ATP8B3: variants seen among roughly 807,000 people sequenced by gnomAD.
ATP8B3 encodes the protein phospholipid-transporting ATPase IK.
In ATP8B3, 141 loss-of-function variants were observed where a neutral mutation model predicts 140.9. The ratio of observed to expected loss-of-function variants is 1.00; its 90% CI spans 0.87 to 1.15. ATP8B3 has a LOEUF of 1.15. ATP8B3 is among the 50% of genes most tolerant of loss of function. The pLI is 0.00. For synonymous variants in ATP8B3, 765 were observed against 714.6 expected (o/e 1.07, Z -1.13); for missense variants, 1,874 against 1,740.6 (o/e 1.08, Z -1.36).
Position 1,788,911 on chromosome 19 carries a change from C to T in ATP8B3, c.3055G>A (p.Gly1019Ser). The T allele has an allele frequency of 6.3e-7, 1 of 1,596,564 alleles. No homozygotes were observed. The change falls in exon 24 of 29, where the codon GGC becomes AGC. Residue 1019 changes from glycine to serine, a missense_variant. By Grantham distance (56) the Gly-to-Ser change is moderately conservative. Coordinates refer to ENST00000310127, the MANE Select transcript of ATP8B3 (RefSeq NM_138813.4). The part of the protein sequence containing the change: ...MVQVWFACYN[G>S]FTGQPLYEGW... ...GGGGGACGCACCTGGCCGGTGAAGC[C>T]GTTGTAGCAGGCAAACCAGACCTGC...
At chr19:1,799,078 G>A (rs2068764102) in intron 14 of ATP8B3, 1 of 151,964 alleles carries the variant, frequency 6.6e-6, no homozygotes, top group Non-Finnish European at 1.5e-5. Context: ...AGGAATTCGA[G>A]GCTGCAATAA....
chr19:1,784,914 T>G lies in ATP8B3; in HGVS notation c.3565A>C (p.Ile1189Leu). Residue 1189 changes from isoleucine to leucine, a missense_variant, in exon 28 of 29, where the codon ATC becomes CTC. By Grantham distance (5) the Ile-to-Leu change is conservative. Around this residue, in one of 3 missense-constraint regions of ATP8B3, gnomAD observed 840 missense variants for 760.9 expected, o/e 1.10. Coordinates refer to ENST00000310127, the MANE Select transcript of ATP8B3 (RefSeq NM_138813.4). ...ADLSVMSSPSILLVVLLSVSI... is the reference protein window; with the variant it reads ...ADLSVMSSPSLLLVVLLSVSI... The stretch of plus-strand genomic sequence containing the variant: ...ACACTCAGCAGGACCACCAGCAGGA[T>G]GGAGGGAGAGGACATCACGCTGAGG... The G allele has an allele frequency of 1.2e-6, 2 of 1,613,052 alleles. No individual in the cohort carries two copies. Among genetic ancestry groups the G allele is most frequent in the South Asian group, 2.2e-5 (2 of 90,998 alleles).
chr19:1,806,588 C>T lies in ATP8B3; in HGVS notation c.677+40G>A, dbSNP rs2069029260. ...CGATGACCCTGCTGGGCTGGAGCCC[C>T]CGTGTCCCCGCGGATCCCCAGCTGC... On this transcript the variant is annotated intron_variant, in intron 7 of 28. Coordinates refer to ENST00000310127, the MANE Select transcript of ATP8B3 (RefSeq NM_138813.4). The surrounding 1 kb of genome is among the most constrained non-coding windows in gnomAD (Gnocchi z 5.6). 1 of 1,550,344 alleles carries T rather than the reference C, an allele frequency of 6.5e-7. No individual in the cohort carries two copies. Among genetic ancestry groups the T allele is most frequent in the Non-Finnish European group, 8.7e-7 (1 of 1,147,010 alleles).
At position 1,789,014 on chromosome 19, in the gene ATP8B3, C is replaced by G. The variant is rs768991034; in HGVS notation, c.2952G>C (p.Val984=). ...TCCGCACGTAGGACCAGCGGCCGTG[C>G]ACCAGCAGGAGGCGCTGCAGGAAGC... ...QFCFLQRLLL[V]HGRWSYVRIC... The change falls in exon 24 of 29, where the codon GTG becomes GTC. Residue 984 remains valine (V), a synonymous_variant. Coordinates refer to ENST00000310127, the MANE Select transcript of ATP8B3 (RefSeq NM_138813.4). 1 of 1,609,988 alleles carries G rather than the reference C, an allele frequency of 6.2e-7. No individual in the cohort carries two copies. The highest frequency in any genetic ancestry group is 1.1e-5 in the South Asian group (1 of 90,354).
chr19:1,805,920 G>T lies in ATP8B3; in HGVS notation c.789C>A (p.Ser263Arg). The T allele has an allele frequency of 3.1e-6, 5 of 1,612,916 alleles. No homozygotes were observed. The highest frequency in any genetic ancestry group is 4.2e-6 in the Non-Finnish European group (5 of 1,179,862). The stretch of plus-strand genomic sequence containing the variant: ...TGTCCACCGTCTCCACATAGCACAG[G>T]CTGCTGGGCTCCGTGCTGGCCAGCA... The part of the protein sequence containing the change: ...MLLLASTEPS[S>R]LCYVETVDID... Residue 263 changes from serine to arginine, a missense_variant, in exon 9 of 29, where the codon AGC becomes AGA. Ser to Arg is a moderately radical substitution (Grantham distance 110). Transcript: ENST00000310127. The surrounding 1 kb of genome is among the most constrained non-coding windows in gnomAD (Gnocchi z 5.2).
Position 1,805,863 on chromosome 19 carries a change from C to G in ATP8B3, c.821+25G>C, listed in dbSNP as rs767691249. The stretch of plus-strand genomic sequence containing the variant: ...GGCCATGCTCCCCACCCCCCAGGGT[C>G]CCCAGCGATGCCACAGCTCCTCACC... On this transcript the variant is annotated intron_variant, in intron 9 of 28. Transcript: ENST00000310127. This position sits in a 1 kb window ranked among gnomAD's most constrained non-coding sequence, Gnocchi z 5.2. 10 of 1,612,346 alleles carry G rather than the reference C, an allele frequency of 6.2e-6. No individual in the cohort carries two copies. The highest frequency in any genetic ancestry group is 1.1e-5 in the South Asian group (1 of 91,078).
In ATP8B3 at chr19:1,800,083, G is replaced by A. The variant is rs371744041; in HGVS notation, c.1416C>T (p.Asp472=). The A allele has an allele frequency of 4.6e-5, 73 of 1,579,148 alleles. No homozygotes were observed. In the African/African-American group the frequency reaches 6.7e-4, roughly 15 times the overall value. Residue 472 remains aspartate, a synonymous_variant, in exon 14 of 29, where the codon GAC becomes GAT. Coordinates refer to ENST00000310127, the MANE Select transcript of ATP8B3 (RefSeq NM_138813.4). The surrounding 1 kb of genome is among the most constrained non-coding windows in gnomAD (Gnocchi z 4.4). ...TGGTGCTGCGGGCCTTGGCAGGCAC[G>A]TCCTGCGGCTTGTAGTACATCTGCA... is the stretch of plus-strand genomic sequence containing the variant. ...WDVQMYYKPQ[D]VPAKARSTSL...
chr19:1,791,075 A>C (rs543649404), intron 20 of ATP8B3, among the ~76,000 whole-genome samples: 1 of 152,252 alleles, frequency 6.6e-6, no homozygotes, highest in African/African-American at 2.4e-5. Flanking sequence ...TGAGGCCAGG[A>C]TCAGCAGGCA....
intron 11 of ATP8B3, among the ~76,000 whole-genome samples, 163 bp downstream of exon 11, chr19:1,802,324 C>G (rs1273742035): frequency 4.3e-5 from 2 of 46,222 alleles, no homozygotes. Context: ...CACCCATCCC[C>G]ACATCCATCC....
intron 2 of ATP8B3, among the ~76,000 whole-genome samples, 181 bp downstream of exon 2, chr19:1,811,308 G>A (rs2069180944): frequency 6.6e-6 from 1 of 152,178 alleles, no homozygotes; most frequent in South Asian, 2.1e-4. Context: ...CCACTAGCAG[G>A]TTCAGGAATG....
At position 1,792,135 on chromosome 19, in the gene ATP8B3, C is replaced by G. The variant is rs1228077688; in HGVS notation, c.2056G>C (p.Ala686Pro). ...GTCCGCAGGGTCTCCTGGGCAAAGGCCTGGGGGCCGGGCAGGTGGAAGCTG... is the reference window on the plus strand; with the variant it reads ...GTCCGCAGGGTCTCCTGGGCAAAGGGCTGGGGGCCGGGCAGGTGGAAGCTG... ...MEFATEEALAAFAQETLRTLC... is the reference protein window; with the variant it reads ...MEFATEEALAPFAQETLRTLC... Residue 686 changes from alanine (A) to proline (P), a missense_variant and splice_region_variant, in exon 19 of 29, where the codon GCC becomes CCC. Coordinates refer to ENST00000310127, the MANE Select transcript of ATP8B3 (RefSeq NM_138813.4). The G allele has an allele frequency of 6.4e-7, 1 of 1,573,284 alleles. No individual in the cohort carries two copies. Among genetic ancestry groups the G allele is most frequent in the Non-Finnish European group, 8.6e-7 (1 of 1,167,114 alleles).
chr19:1,793,724 A>T (rs1476256455), intron 18 of ATP8B3, among the ~76,000 whole-genome samples: 1 of 151,808 alleles, frequency 6.6e-6, no homozygotes, highest in Admixed American at 6.6e-5. Flanking sequence ...TAGGTCTCAA[A>T]TTTGTTTATT....
chr19:1,789,201 C>T (rs1203483608), intron 23 of ATP8B3, 81 bp from the exon 24 acceptor site: 50 of 810,268 alleles, frequency 6.2e-5, no homozygotes, highest in Non-Finnish European at 8.2e-5. Flanking sequence ...CTGTTCTGCC[C>T]CCTATCAGCC....
chr19:1,799,539 G>A (rs1318057508), intron 14 of ATP8B3: 1 of 390,422 alleles, frequency 2.6e-6, no homozygotes, highest in Non-Finnish European at 4.5e-6. Context: ...GCCGAGGCAG[G>A]TGGATCGCCG....
chr19:1,802,152 TCCACCCCTCAC>T, intron 11 of ATP8B3, 108 bp from the exon 12 acceptor site: 1 of 472,350 alleles, frequency 2.1e-6, no homozygotes, highest in Non-Finnish European at 3.3e-6. Flanking sequence ...CACCTACCCA[TCCACCCCTCAC>T]CCACCCATCA....
At position 1,805,804 on chromosome 19, in the gene ATP8B3, G is replaced by C. The variant is rs569706754; in HGVS notation, c.821+84C>G. On this transcript the variant is annotated intron_variant, in intron 9 of 28. Coordinates refer to ENST00000310127, the MANE Select transcript of ATP8B3 (RefSeq NM_138813.4). The surrounding 1 kb of genome is among the most constrained non-coding windows in gnomAD (Gnocchi z 5.2). ...AGTCTCTGAGCGACCTTGGCTGGCC[G>C]CCTCCTTGGTGACTGGGGAAGGGGG... 4.3e-5 allele frequency: 67 copies of C among 1,543,670 alleles called. No individual in the cohort carries two copies. In the African/African-American group the frequency reaches 8.9e-4, roughly 20 times the overall value.
In ATP8B3 at chr19:1,806,834, G is replaced by A; in HGVS notation, c.616-145C>T. On this transcript the variant is annotated intron_variant, in intron 6 of 28. Coordinates refer to ENST00000310127, the MANE Select transcript of ATP8B3 (RefSeq NM_138813.4). This position sits in a 1 kb window ranked among gnomAD's most constrained non-coding sequence, Gnocchi z 5.6. The stretch of plus-strand genomic sequence containing the variant: ...CCACGCCACGTTGCGTCTGCTCAGG[G>A]ATCCCGGACGTGGGGGCCACTGGAC... The A allele has an allele frequency of 1.1e-6, 1 of 948,184 alleles. No individual in the cohort carries two copies. Among genetic ancestry groups the A allele is most frequent in the Non-Finnish European group, 1.6e-6 (1 of 625,356 alleles). 58.7% of individuals were successfully genotyped at this position (948,184 alleles called of 1,614,324 possible). A position where few individuals can be genotyped will look rare whatever the true frequency, so the allele number is the denominator to read the frequency against.
rs2069027371 is a variant in ATP8B3, at chr19:1,806,554, T to C, written c.677+74A>G. The C allele has an allele frequency of 1.3e-6, 2 of 1,542,296 alleles. No individual in the cohort carries two copies. Among genetic ancestry groups the C allele is most frequent in the Non-Finnish European group, 1.7e-6 (2 of 1,144,442 alleles). ...GGGAGCACGGAAGGTGATGGACACTTGCCGAGGCCGATGACCCTGCTGGGC... is the reference window on the plus strand; with the variant it reads ...GGGAGCACGGAAGGTGATGGACACTCGCCGAGGCCGATGACCCTGCTGGGC... On this transcript the variant is annotated intron_variant, in intron 7 of 28. Transcript: ENST00000310127. This position sits in a 1 kb window ranked among gnomAD's most constrained non-coding sequence, Gnocchi z 5.6.
chr19:1,800,892 G>A lies in ATP8B3; in HGVS notation c.1153-443C>T, dbSNP rs543497483. Among the ~76,000 whole-genome samples, 3,884 of 147,548 alleles carry A rather than the reference G, an allele frequency of 0.026. 170 individuals are homozygous for A. The highest frequency in any genetic ancestry group is 0.093 in the African/African-American group (3,689 of 39,780). ...CTCCCAGGCTGGAGTGCAGTGGCGC[G>A]ATCTTGGCTCACAGCAAGCTCCGCC... is the stretch of plus-strand genomic sequence containing the variant. On this transcript the variant is annotated intron_variant, in intron 12 of 28. Transcript: ENST00000310127. This position sits in a 1 kb window ranked among gnomAD's most constrained non-coding sequence, Gnocchi z 4.4.
Sources: gnomAD v4.1 joint callset for allele counts (sites outside exome capture counted in the v4.1 genomes callset) on GRCh38, gnomAD v4.1.1 for gene constraint, gnomAD v4.1.1 regional missense constraint, Gnocchi (gnomAD v3.1) non-coding constraint, MANE v1.5 for transcripts, NCBI Gene and HGNC (gene_info 2026-07-23, HGNC 2026-07-21) for gene names.